DDX19A: variants seen among roughly 807,000 people sequenced by gnomAD.
The protein encoded by DDX19A is DEAD-box helicase 19A.
In DDX19A, 12 loss-of-function variants were observed where a neutral mutation model predicts 60.6. The ratio of observed to expected loss-of-function variants is 0.20; its 90% CI spans 0.13 to 0.32. DDX19A has a LOEUF of 0.32. Ranked by LOEUF, DDX19A falls within the 10% of genes least tolerant of loss-of-function variation. DDX19A has a pLI of 1.00. For synonymous variants in DDX19A, 206 were observed against 218.2 expected, an observed-to-expected ratio of 0.94 and a Z score of 0.49; for missense variants, 337 against 600.6, an observed-to-expected ratio of 0.56 and a Z score of 4.59.
In DDX19A at chr16:70,346,905, A is replaced by T. The variant is rs767771170; in HGVS notation, c.-87A>T. The T allele has an allele frequency of 1.1e-5, 15 of 1,374,962 alleles. No individual in the cohort carries two copies. In the Admixed American group the frequency reaches 1.8e-4, roughly 16 times the overall value. 85.2% of individuals were successfully genotyped at this position (1,374,962 alleles called of 1,614,324 possible). On this transcript the variant is annotated 5_prime_UTR_variant, in exon 1 of 12. Coordinates refer to ENST00000302243, the MANE Select transcript of DDX19A (RefSeq NM_018332.5). ...GCCGCTTCCGGTCCGCGTGAGGTGC[A>T]TTCTCGCGCCGGTGGCGAGGTTAGG...
chr16:70,349,146 G>T (rs1963937679), intron 1 of DDX19A, among the ~76,000 whole-genome samples: 1 of 152,248 alleles, frequency 6.6e-6, no homozygotes, highest in East Asian at 1.9e-4. Flanking sequence ...AAAATTAGTG[G>T]AGGAAAAAGG....
chr16:70,348,005 G>T (rs1482081677), intron 1 of DDX19A: 1 of 451,608 alleles, frequency 2.2e-6, no homozygotes, highest in South Asian at 1.6e-5. Flanking sequence ...GGGGATTTTT[G>T]AGAGGGCTAT....
rs1386638515 is a variant in DDX19A at position 70,350,740 on chromosome 16, T to G, written c.106+135T>G. On this transcript the variant is annotated intron_variant, in intron 2 of 11. Coordinates refer to ENST00000302243, the MANE Select transcript of DDX19A (RefSeq NM_018332.5). Reference sequence around the variant, plus strand: ...TACAAGCCAGTGAATTAGATTTTGTTACTGAAGGGATATGTCGATTTTCCA... The same window carrying G: ...TACAAGCCAGTGAATTAGATTTTGTGACTGAAGGGATATGTCGATTTTCCA... The G allele has an allele frequency of 1.1e-5, 7 of 614,024 alleles. No individual in the cohort carries two copies. In the East Asian group the frequency reaches 1.7e-4, roughly 15 times the overall value. The allele number at this position is 614,024 out of a possible 1,614,324, so 38.0% of individuals were successfully genotyped here. A position where few individuals can be genotyped will look rare whatever the true frequency, so the allele number is the denominator to read the frequency against.
In DDX19A at chr16:70,372,031, A is replaced by G. The variant is rs1290520639; in HGVS notation, c.*45A>G. The G allele has an allele frequency of 1.9e-6, 3 of 1,613,792 alleles. No individual in the cohort carries two copies. Among genetic ancestry groups the G allele is most frequent in the African/African-American group, 2.7e-5 (2 of 74,946 alleles). Reference sequence around the variant, plus strand: ...ATGCCAGCCCTGGCACTGCCCCTGCACAGGAGACAAGTGCATTTAGGGCAC... The same window carrying G: ...ATGCCAGCCCTGGCACTGCCCCTGCGCAGGAGACAAGTGCATTTAGGGCAC... On this transcript the variant is annotated 3_prime_UTR_variant, in exon 12 of 12. Coordinates refer to ENST00000302243, the MANE Select transcript of DDX19A (RefSeq NM_018332.5).
At chr16:70,358,937 G>A (rs890737076) in intron 4 of DDX19A, among the ~76,000 whole-genome samples, 1 of 152,160 alleles carries the variant, frequency 6.6e-6, no homozygotes, top group Non-Finnish European at 1.5e-5. Context: ...TTTTTAAGCT[G>A]TATCAGGACA....
intron 4 of DDX19A, among the ~76,000 whole-genome samples, chr16:70,360,324 T>TCTTTC (rs66509839): frequency 7.2e-6 from 1 of 139,840 alleles, no homozygotes; most frequent in Non-Finnish European, 1.6e-5. Flanking sequence ...TTTCTTTCTT[T>TCTTTC]TTTTTTTTTT....
At chr16:70,368,040 G>A (rs1473039538) in intron 9 of DDX19A, among the ~76,000 whole-genome samples, 1 of 152,126 alleles carries the variant, frequency 6.6e-6, no homozygotes, top group Non-Finnish European at 1.5e-5. Flanking sequence ...AGCTGGATGT[G>A]GTGGCACACA....
intron 2 of DDX19A, 133 bp downstream of exon 2, chr16:70,350,738 GT>G: frequency 3.2e-6 from 2 of 617,040 alleles, no homozygotes; most frequent in Non-Finnish European, 2.8e-6. Flanking sequence ...ATTAGATTTT[GT>G]TACTGAAGGG....
At chr16:70,362,597 A>C (rs894247184) in intron 5 of DDX19A, among the ~76,000 whole-genome samples, 3 of 151,966 alleles carry the variant, frequency 2.0e-5, no homozygotes, top group African/African-American at 7.2e-5. Context: ...GTTCCTTTTG[A>C]GACAGGGTCT....
chr16:70,349,672 A>G (rs1963954075), intron 1 of DDX19A, among the ~76,000 whole-genome samples: 1 of 152,236 alleles, frequency 6.6e-6, no homozygotes, highest in Non-Finnish European at 1.5e-5. Context: ...AAGCATTATC[A>G]AGGGCATGGT....
At chr16:70,360,004 G>A (rs1044005744) in intron 4 of DDX19A, among the ~76,000 whole-genome samples, 1 of 151,902 alleles carries the variant, frequency 6.6e-6, no homozygotes, top group East Asian at 1.9e-4. Flanking sequence ...TTTATGGCCG[G>A]GCGCTACAGC....
rs768155173 is a variant in DDX19A, at chr16:70,356,828, T to C, written c.293+581T>C. On this transcript the variant is annotated intron_variant, in intron 4 of 11. Coordinates refer to ENST00000302243, the MANE Select transcript of DDX19A (RefSeq NM_018332.5). Reference sequence around the variant, plus strand: ...TGATTTATCATAGCTAAAAGTCTTATTTCTCTTATACTCTTAGAACTTTCA... The same window carrying C: ...TGATTTATCATAGCTAAAAGTCTTACTTCTCTTATACTCTTAGAACTTTCA... The C allele has an allele frequency of 1.3e-5, 16 of 1,202,818 alleles. No homozygotes were observed. In the East Asian group the frequency reaches 1.7e-4, roughly 13 times the overall value. 74.5% of individuals were successfully genotyped at this position (1,202,818 alleles called of 1,614,324 possible). A position where few individuals can be genotyped will look rare whatever the true frequency, so the allele number is the denominator to read the frequency against.
chr16:70,356,018 G>A (rs1024397356), intron 3 of DDX19A, 94 bp from the exon 4 acceptor site: 18 of 1,529,106 alleles, frequency 1.2e-5, no homozygotes, highest in Non-Finnish European at 1.5e-5. Context: ...GTGCTTGACT[G>A]CCCAGGTGCT....
At chr16:70,357,366 G>GTTTGTTTTTTT (rs1964237044) in intron 4 of DDX19A, among the ~76,000 whole-genome samples, 1 of 44,596 alleles carries the variant, frequency 2.2e-5, no homozygotes, top group East Asian at 7.3e-4. Flanking sequence ...TTTTTGGTTT[G>GTTTGTTTTTTT]TTTTTTTTTT....
At chr16:70,359,153 G>C (rs991153604) in intron 4 of DDX19A, among the ~76,000 whole-genome samples, 18 of 152,178 alleles carry the variant, frequency 1.2e-4, no homozygotes, top group Non-Finnish European at 2.6e-4. Context: ...AATGTACTTG[G>C]TCTGCTTTGT....
intron 2 of DDX19A, among the ~76,000 whole-genome samples, chr16:70,351,535 AT>A (rs1467358777): frequency 2.0e-5 from 3 of 147,722 alleles, no homozygotes; most frequent in East Asian, 2.0e-4. Flanking sequence ...ATTTATTTTT[AT>A]TTTTTTTTGA....
intron 5 of DDX19A, among the ~76,000 whole-genome samples, chr16:70,362,927 T>G (rs762010277): frequency 1.3e-5 from 2 of 149,066 alleles, no homozygotes; most frequent in South Asian, 2.2e-4. Context: ...GGTGGGAGGA[T>G]CGCTTGAACC....
At chr16:70,348,935 C>T (rs948435520) in intron 1 of DDX19A, among the ~76,000 whole-genome samples, 1 of 151,858 alleles carries the variant, frequency 6.6e-6, no homozygotes, top group Non-Finnish European at 1.5e-5. Context: ...GACGGTGAGA[C>T]CCTGTTTCAA....
chr16:70,348,904 C>T (rs938549045), intron 1 of DDX19A, among the ~76,000 whole-genome samples: 3 of 152,036 alleles, frequency 2.0e-5, no homozygotes, highest in Non-Finnish European at 4.4e-5. Flanking sequence ...TGTGATCACA[C>T]CACTGCACTC....
Sources: gnomAD v4.1 joint callset for allele counts (sites outside exome capture counted in the v4.1 genomes callset) on GRCh38, gnomAD v4.1.1 for gene constraint, MANE v1.5 for transcripts, NCBI Gene and HGNC (gene_info 2026-07-23, HGNC 2026-07-21) for gene names.